EBF1: variants seen among roughly 807,000 people sequenced by gnomAD.
EBF1 encodes the protein EBF transcription factor 1.
In EBF1, 10 loss-of-function variants were observed where a neutral mutation model predicts 68.4. The ratio of observed to expected loss-of-function variants is 0.15; its 90% confidence interval spans 0.09 to 0.25. EBF1 has a LOEUF of 0.25. Ranked by LOEUF, EBF1 falls within the 10% of genes least tolerant of loss-of-function variation. The probability of loss-of-function intolerance (pLI) is 1.00; values close to 1 mark genes in which losing one functional copy is unlikely to be tolerated. For synonymous variants in EBF1, 298 were observed against 299.8 expected (o/e 0.99, Z 0.06); for missense variants, 509 against 794.4 (o/e 0.64, Z 4.32).
intron 4 of EBF1, among the ~76,000 whole-genome samples, chr5:159,090,888 T>A (rs1781507402): frequency 6.6e-6 from 1 of 152,162 alleles, no homozygotes. Context: ...TCTAAGTTCT[T>A]AACATGTATG....
chr5:158,834,076 A>T (rs1197259695), intron 7 of EBF1, among the ~76,000 whole-genome samples: 1 of 152,230 alleles, frequency 6.6e-6, no homozygotes, highest in African/African-American at 2.4e-5. Flanking sequence ...TTGGAAATTT[A>T]TACTTTACTT....
chr5:159,079,693 C>A (rs956014567), intron 5 of EBF1, among the ~76,000 whole-genome samples: 2 of 150,292 alleles, frequency 1.3e-5, no homozygotes, highest in Non-Finnish European at 3.0e-5. Context: ...CTCACTGCAA[C>A]CTCCACCTCC....
intron 6 of EBF1, among the ~76,000 whole-genome samples, chr5:158,995,811 G>C (rs904999602): frequency 3.9e-5 from 6 of 152,180 alleles, no homozygotes; most frequent in African/African-American, 1.2e-4. Flanking sequence ...TCCACCTATG[G>C]GGAGGGTGGC....
At chr5:158,902,011 A>G (rs988705475) in intron 6 of EBF1, among the ~76,000 whole-genome samples, 4 of 152,174 alleles carry the variant, frequency 2.6e-5, no homozygotes, top group Non-Finnish European at 5.9e-5. Context: ...GAATCACTTG[A>G]ACCAGGGGGG....
In EBF1 at chr5:158,796,460, T is replaced by G; in HGVS notation, c.794A>C (p.Lys265Thr). The change falls in exon 9 of 16, where the codon AAA (lysine) becomes ACA (threonine). Residue 265 changes from lysine (K) to threonine (T), a missense_variant. Physicochemically the swap from Lys to Thr is moderately conservative, Grantham distance 78. Around this residue, in one of 3 missense-constraint regions of EBF1, gnomAD observed 230 missense variants for 467.7 expected, o/e 0.49. Transcript: ENST00000313708. ...CCATCCTTCACTCGGGCTGATGGCT[T>G]TGATACAGGGAGTAGCTGCTTTTCA... Reference protein sequence around the residue: ...SYLEHATPCIKAISPSEGWTT... With the variant: ...SYLEHATPCITAISPSEGWTT... The G allele has an allele frequency of 6.2e-7, 1 of 1,613,138 alleles. No homozygotes were observed. The highest frequency in any genetic ancestry group is 8.5e-7 in the Non-Finnish European group (1 of 1,179,386).
At chr5:158,940,942 A>G (rs2127470507) in intron 6 of EBF1, among the ~76,000 whole-genome samples, 1 of 152,296 alleles carries the variant, frequency 6.6e-6, no homozygotes, top group East Asian at 1.9e-4. Flanking sequence ...ACATTTGGGT[A>G]GGAGACAGCT....
At chr5:159,079,019 A>G (rs1779288506) in intron 5 of EBF1, among the ~76,000 whole-genome samples, 1 of 152,224 alleles carries the variant, frequency 6.6e-6, no homozygotes, top group African/African-American at 2.4e-5. Flanking sequence ...TGTAAAAAAC[A>G]AGATGCCTTA....
chr5:159,000,380 A>G (rs952311146), intron 6 of EBF1, among the ~76,000 whole-genome samples: 2 of 152,216 alleles, frequency 1.3e-5, no homozygotes, highest in Admixed American at 1.3e-4. Context: ...ACCAAAAAGT[A>G]CAATGGTCAT....
intron 4 of EBF1, among the ~76,000 whole-genome samples, chr5:159,094,050 A>C (rs1782103579): frequency 6.9e-6 from 1 of 144,088 alleles, no homozygotes; most frequent in African/African-American, 2.6e-5. Context: ...AAGGATATCC[A>C]GGGTATCAAA....
chr5:158,830,432 A>C (rs1427048848), intron 7 of EBF1, among the ~76,000 whole-genome samples: 2 of 152,128 alleles, frequency 1.3e-5, no homozygotes, highest in Non-Finnish European at 2.9e-5. Context: ...CACCACACCC[A>C]GCTAATTTTT....
Position 158,697,172 on chromosome 5 carries a change from G to A in EBF1, c.*1939C>T, listed in dbSNP as rs1755903074. The A allele has an allele frequency of 5.2e-6, 1 of 193,868 alleles. No individual in the cohort carries two copies. The highest frequency in any genetic ancestry group is 2.3e-5 in the African/African-American group (1 of 43,058). 12.0% of individuals were successfully genotyped at this position (193,868 alleles called of 1,614,324 possible). A position where few individuals can be genotyped will look rare whatever the true frequency, so the allele number is the denominator to read the frequency against. On this transcript the variant is annotated 3_prime_UTR_variant, in exon 16 of 16. Transcript: ENST00000313708. Reference sequence around the variant, plus strand: ...GGGAGAGATTCCATGCATATTAATAGAGTAAAACAGCATTAGGGTTGTTTT... The same window carrying A: ...GGGAGAGATTCCATGCATATTAATAAAGTAAAACAGCATTAGGGTTGTTTT...
At chr5:158,730,880 A>C (rs1304942654) in intron 11 of EBF1, among the ~76,000 whole-genome samples, 189 bp downstream of exon 11, 2 of 152,230 alleles carry the variant, frequency 1.3e-5, no homozygotes, top group African/African-American at 4.8e-5. Context: ...ACAGATATAA[A>C]AGTAAGCACA....
intron 7 of EBF1, among the ~76,000 whole-genome samples, chr5:158,827,812 G>T (rs1786527027): frequency 6.6e-6 from 1 of 152,162 alleles, no homozygotes; most frequent in Non-Finnish European, 1.5e-5. Context: ...GTTGAAATTT[G>T]TATCTTTAAG....
chr5:159,045,170 T>C (rs1363640894), intron 6 of EBF1, among the ~76,000 whole-genome samples: 1 of 152,184 alleles, frequency 6.6e-6, no homozygotes, highest in Non-Finnish European at 1.5e-5. Flanking sequence ...AAAGGTTAGA[T>C]TTTTGGCATT....
At chr5:158,751,504 C>T (rs1370132240) in intron 10 of EBF1, among the ~76,000 whole-genome samples, 5 of 152,128 alleles carry the variant, frequency 3.3e-5, no homozygotes, top group African/African-American at 1.2e-4. Flanking sequence ...AAAAGACATA[C>T]GTAGTTATAG....
rs189252951 is a variant in EBF1 at position 158,863,860 on chromosome 5, T to C, written c.555-23750A>G. On this transcript the variant is annotated intron_variant, in intron 6 of 15. Transcript: ENST00000313708. The stretch of plus-strand genomic sequence containing the variant: ...TTACGTAAATGATGCCAAAGTCTCA[T>C]GAAAATATACAGAAACCGGAAGCTC... 4.3e-3 allele frequency among the ~76,000 whole-genome samples: 659 copies of C among 152,274 alleles called. 3 individuals are homozygous for C. Among genetic ancestry groups the C allele is most frequent in the Non-Finnish European group, 6.7e-3 (456 of 68,030 alleles).
chr5:158,865,029 G>C (rs905150283), intron 6 of EBF1, among the ~76,000 whole-genome samples: 1 of 152,106 alleles, frequency 6.6e-6, no homozygotes, highest in Non-Finnish European at 1.5e-5. Flanking sequence ...TTTTGAGCTC[G>C]GGTTCAGATA....
At chr5:158,916,549 C>G (rs1807228031) in intron 6 of EBF1, among the ~76,000 whole-genome samples, 1 of 152,104 alleles carries the variant, frequency 6.6e-6, no homozygotes. Context: ...TATATTAGAT[C>G]CATTTAGTAG....
chr5:158,905,561 C>T (rs924672312), intron 6 of EBF1, among the ~76,000 whole-genome samples: 4 of 152,136 alleles, frequency 2.6e-5, no homozygotes, highest in Admixed American at 6.6e-5. Flanking sequence ...ATTTATCTTA[C>T]TGAAAAATGG....
Sources: allele counts gnomAD v4.1 joint callset (sites outside exome capture counted in the v4.1 genomes callset), GRCh38; gene constraint gnomAD v4.1.1; regional missense constraint gnomAD v4.1.1; transcripts MANE v1.5; gene names NCBI Gene and HGNC (gene_info 2026-07-23, HGNC 2026-07-21).